ST18: variants seen among roughly 807,000 people sequenced by gnomAD.
The protein encoded by ST18 is suppression of tumorigenicity 18 protein.
In ST18, 50 loss-of-function variants were observed where a neutral mutation model predicts 110.0. The observed-to-expected ratio is 0.45, with a 90% CI of 0.36 to 0.58. ST18 has a LOEUF of 0.58. Ranked by LOEUF, ST18 falls within the 20% of genes least tolerant of loss-of-function variation. The probability of loss-of-function intolerance (pLI) is 0.00; values close to 1 mark genes in which losing one functional copy is unlikely to be tolerated. For synonymous variants in ST18, 461 were observed against 452.4 expected (o/e 1.02, Z -0.24); for missense variants, 1,306 against 1,280.1 (o/e 1.02, Z -0.31).
intron 9 of ST18, among the ~76,000 whole-genome samples, chr8:52,172,825 T>C (rs980137956): frequency 6.6e-6 from 1 of 152,136 alleles, no homozygotes; most frequent in Non-Finnish European, 1.5e-5. Flanking sequence ...CTAAGAACTG[T>C]GTTAAAAGAA....
intron 2 of ST18, among the ~76,000 whole-genome samples, chr8:52,375,113 CTCTT>C (rs1248280232): frequency 6.6e-6 from 1 of 152,108 alleles, no homozygotes; most frequent in Non-Finnish European, 1.5e-5. Flanking sequence ...CTTTCTCTCT[CTCTT>C]TATCTCTCTC....
chr8:52,266,138 A>G (rs2094859846), intron 2 of ST18, among the ~76,000 whole-genome samples: 1 of 152,248 alleles, frequency 6.6e-6, no homozygotes, highest in South Asian at 2.1e-4. Flanking sequence ...ACTATGCAAG[A>G]GCAGTTTTGG....
chr8:52,371,735 T>C (rs1830336601), intron 2 of ST18, among the ~76,000 whole-genome samples: 1 of 152,158 alleles, frequency 6.6e-6, no homozygotes, highest in Non-Finnish European at 1.5e-5. Flanking sequence ...GGTGATCCCA[T>C]AAGACTATAA....
At chr8:52,405,704 A>G (rs931056555) in intron 2 of ST18, 10 of 152,220 alleles carry the variant, frequency 6.6e-5, no homozygotes, top group Admixed American at 2.0e-4. Context: ...TCACATATCA[A>G]TGAAATAGCC....
intron 8 of ST18, among the ~76,000 whole-genome samples, chr8:52,208,528 C>T (rs2080943359): frequency 6.6e-6 from 1 of 152,222 alleles, no homozygotes; most frequent in African/African-American, 2.4e-5. Flanking sequence ...GCTTAAACTA[C>T]TTAAGAAGCA....
intron 8 of ST18, among the ~76,000 whole-genome samples, chr8:52,208,303 T>C (rs1033187016): frequency 1.3e-5 from 2 of 152,142 alleles, no homozygotes; most frequent in Admixed American, 6.5e-5. Flanking sequence ...GCCATAACTT[T>C]TACACTGGGG....
chr8:52,344,869 C>T (rs1414305285), intron 2 of ST18, among the ~76,000 whole-genome samples: 2 of 151,958 alleles, frequency 1.3e-5, no homozygotes, highest in African/African-American at 4.8e-5. Flanking sequence ...TGCCAATAAC[C>T]ATGTTTAGCA....
At chr8:52,148,182 C>T (rs556935582) in intron 16 of ST18, among the ~76,000 whole-genome samples, 12 of 152,222 alleles carry the variant, frequency 7.9e-5, no homozygotes, top group East Asian at 3.9e-4. Context: ...GTTTCACATT[C>T]GTTATCATCA....
chr8:52,203,955 C>T (rs1260222671), intron 8 of ST18, among the ~76,000 whole-genome samples: 1 of 152,192 alleles, frequency 6.6e-6, no homozygotes, highest in African/African-American at 2.4e-5. Flanking sequence ...TAAATACTCT[C>T]AGAACACAAT....
chr8:52,211,689 GA>G (rs2082230031), intron 8 of ST18, among the ~76,000 whole-genome samples: 1 of 152,074 alleles, frequency 6.6e-6, no homozygotes, highest in Admixed American at 6.5e-5. Flanking sequence ...TTTAATGCAA[GA>G]AGTGGATAAC....
At chr8:52,403,273 A>G (rs7462519) in intron 2 of ST18, 1 of 152,260 alleles carries the variant, frequency 6.6e-6, no homozygotes, top group Non-Finnish European at 1.5e-5. Flanking sequence ...TGGACCCCCA[A>G]GCAGGACACA....
intron 14 of ST18, among the ~76,000 whole-genome samples, chr8:52,159,483 A>T (rs1399554434): frequency 6.6e-6 from 1 of 152,232 alleles, no homozygotes; most frequent in African/African-American, 2.4e-5. Context: ...AGGCATGCCC[A>T]TTGGAAAACT....
intron 14 of ST18, 139 bp from the exon 15 acceptor site, chr8:52,159,248 C>T: frequency 1.2e-6 from 1 of 802,848 alleles, no homozygotes; most frequent in East Asian, 2.7e-5. Flanking sequence ...TCCATGGGAA[C>T]ATTAAATGAA....
At chr8:52,239,816 A>G (rs998188689) in intron 2 of ST18, among the ~76,000 whole-genome samples, 4 of 151,774 alleles carry the variant, frequency 2.6e-5, no homozygotes, top group African/African-American at 9.7e-5. Context: ...CTTTTTTGAG[A>G]CAGGTCTCAC....
intron 2 of ST18, among the ~76,000 whole-genome samples, chr8:52,343,709 C>T (rs1045588878): frequency 3.3e-5 from 5 of 152,206 alleles, no homozygotes. Context: ...AGATACCACT[C>T]AGCAAGCTAA....
chr8:52,199,113 T>TC, intron 8 of ST18: 1 of 76,260 alleles, frequency 1.3e-5, no homozygotes, highest in East Asian at 2.7e-4. Flanking sequence ...TACATAACCT[T>TC]TTTTTTTTTT....
chr8:52,141,312 C>T (rs2054946022), intron 17 of ST18, among the ~76,000 whole-genome samples: 1 of 152,144 alleles, frequency 6.6e-6, no homozygotes, highest in African/African-American at 2.4e-5. Flanking sequence ...AAATGCATTC[C>T]CTGCTCCCAA....
chr8:52,303,557 A>G (rs865786439), intron 2 of ST18, among the ~76,000 whole-genome samples: 7 of 152,342 alleles, frequency 4.6e-5, no homozygotes, highest in African/African-American at 1.7e-4. Context: ...ACCTTAATCA[A>G]GAGATCACAG....
chr8:52,114,369 C>A (rs1022336388), intron 25 of ST18, among the ~76,000 whole-genome samples: 1 of 152,106 alleles, frequency 6.6e-6, no homozygotes, highest in Non-Finnish European at 1.5e-5. Context: ...AAATGTGAAA[C>A]GGAATGAATG....
Sources: gnomAD v4.1 joint callset for allele counts (sites outside exome capture counted in the v4.1 genomes callset) on GRCh38, gnomAD v4.1.1 for gene constraint, MANE v1.5 for transcripts, NCBI Gene and HGNC (gene_info 2026-07-23, HGNC 2026-07-21) for gene names.